SLIT2: variants seen among roughly 807,000 people sequenced by gnomAD.
SLIT2 encodes slit homolog 2 protein.
SLIT2 carries 41 observed loss-of-function variants against 185.7 expected under a neutral mutation model. The ratio of observed to expected loss-of-function variants is 0.22; its 90% CI spans 0.17 to 0.29. The LOEUF (loss-of-function observed/expected upper bound fraction) is 0.29. Among genes scored for constraint, SLIT2 ranks in the 10% least tolerant of loss-of-function variants. SLIT2 has a pLI of 1.00. For missense variants in SLIT2, 1,571 were observed against 1,909.0 expected, an observed-to-expected ratio of 0.82 and a Z score of 3.30; for synonymous variants, 693 against 680.2, an observed-to-expected ratio of 1.02 and a Z score of -0.29.
intron 8 of SLIT2, chr4:20,490,670 A>G (rs1013818794): frequency 7.0e-5 from 45 of 639,392 alleles, no homozygotes; most frequent in Non-Finnish European, 1.1e-4. Context: ...AACCTAAGAA[A>G]AATTTTTGTA....
At chr4:20,536,947 A>G (rs1307959061) in intron 18 of SLIT2, among the ~76,000 whole-genome samples, 5 of 152,150 alleles carry the variant, frequency 3.3e-5, no homozygotes, top group Admixed American at 6.6e-5. Flanking sequence ...CAATATATCA[A>G]TATTACTGTC....
At chr4:20,295,126 G>A (rs951141532) in intron 4 of SLIT2, among the ~76,000 whole-genome samples, 4 of 152,220 alleles carry the variant, frequency 2.6e-5, no homozygotes, top group African/African-American at 9.7e-5. Context: ...GGACTTCACT[G>A]TTGGGAAGAT....
intron 3 of SLIT2, among the ~76,000 whole-genome samples, chr4:20,263,146 T>C (rs1409733905): frequency 6.6e-6 from 1 of 151,684 alleles, no homozygotes; most frequent in Non-Finnish European, 1.5e-5. Context: ...TCTGCTTGAA[T>C]TGTGTCTTCT....
chr4:20,506,902 G>A (rs1342116202), intron 9 of SLIT2, among the ~76,000 whole-genome samples: 1 of 151,952 alleles, frequency 6.6e-6, no homozygotes, highest in Non-Finnish European at 1.5e-5. Context: ...AAACCAGTTC[G>A]CTGCTGAGTC....
In SLIT2 at chr4:20,472,564, C is replaced by CGATATATATATATATATCGA. The variant is rs60691515; in HGVS notation, c.467+4741_467+4742insGATATATATATATATATCGA. The stretch of plus-strand genomic sequence containing the variant: ...TCTATATCTATATATAGATATATAT[C>CGATATATATATATATATCGA]TATATATAGATATATCTATATATAG... On this transcript the variant is annotated intron_variant, in intron 5 of 36. Transcript: ENST00000504154. 1.3e-3 allele frequency among the ~76,000 whole-genome samples: 6 copies of CGATATATATATATATATCGA among 4,662 alleles called. 2 individuals carry two copies. Among genetic ancestry groups the CGATATATATATATATATCGA allele is most frequent in the African/African-American group, 0.01 (6 of 580 alleles). The allele number at this position is 4,662 out of a possible 152,430, so 3.1% of individuals were successfully genotyped here. A position where few individuals can be genotyped will look rare whatever the true frequency, so the allele number is the denominator to read the frequency against.
intron 3 of SLIT2, among the ~76,000 whole-genome samples, chr4:20,268,102 T>C (rs979370771): frequency 6.6e-6 from 1 of 151,958 alleles, no homozygotes; most frequent in Non-Finnish European, 1.5e-5. Flanking sequence ...ATACCAAGCA[T>C]CAGGGCTTAA....
rs1279990489 is a variant in SLIT2 at position 20,391,759 on chromosome 4, A to G, written c.396-75993A>G. On this transcript the variant is annotated intron_variant, in intron 4 of 36. Transcript: ENST00000504154. ...TGTTGTCAGAAGAAGTTTCTGAATG[A>G]GATTATTTAAAAAGATAGAGTTAGT... Among the ~76,000 whole-genome samples the G allele has an allele frequency of 2.0e-5, 3 of 152,058 alleles. No individual in the cohort carries two copies. In the East Asian group the frequency reaches 5.8e-4, roughly 29 times the overall value.
Position 20,524,014 on chromosome 4 carries a change from G to T in SLIT2, c.1275G>T (p.Met425Ile). Reference sequence around the variant, plus strand: ...AACTGTTCTGTATGTGTTTCCAAAGGCATTTGGCCCAGAACCCCTTTATTT... The same window carrying T: ...AACTGTTCTGTATGTGTTTCCAAAGTCATTTGGCCCAGAACCCCTTTATTT... ...TFSPLRAIQT[M>I]HLAQNPFICD... The change falls in exon 14 of 37, where the codon ATG becomes ATT. Residue 425 changes from methionine (M) to isoleucine (I), a missense_variant and splice_region_variant. Met to Ile is a conservative substitution (Grantham distance 10, BLOSUM62 1). This residue lies in a region of SLIT2 where 1,202 missense variants were observed against 1,416.4 expected (regional missense o/e 0.85). Transcript: ENST00000504154. The T allele has an allele frequency of 6.2e-7, 1 of 1,614,072 alleles. No homozygotes were observed. Among genetic ancestry groups the T allele is most frequent in the Non-Finnish European group, 8.5e-7 (1 of 1,179,986 alleles).
At chr4:20,444,940 A>T (rs1016582009) in intron 4 of SLIT2, among the ~76,000 whole-genome samples, 3 of 152,054 alleles carry the variant, frequency 2.0e-5, no homozygotes, top group South Asian at 2.1e-4. Context: ...CTGTCTAGAA[A>T]CCCTAACCCA....
intron 4 of SLIT2, among the ~76,000 whole-genome samples, chr4:20,453,038 A>G (rs960711363): frequency 3.9e-5 from 6 of 152,204 alleles, no homozygotes; most frequent in African/African-American, 1.4e-4. Flanking sequence ...AGTTCCCTCA[A>G]AATATCTGCT....
At chr4:20,500,886 G>A (rs1227503895) in intron 9 of SLIT2, among the ~76,000 whole-genome samples, 1 of 152,082 alleles carries the variant, frequency 6.6e-6, no homozygotes, top group African/African-American at 2.4e-5. Context: ...TACTATGAAA[G>A]TACTAGTTTT....
intron 4 of SLIT2, among the ~76,000 whole-genome samples, chr4:20,336,164 G>A (rs528305704): frequency 2.9e-4 from 44 of 152,206 alleles, no homozygotes; most frequent in Non-Finnish European, 5.7e-4. Flanking sequence ...TTTGTGTTGC[G>A]TTTCTAGCCA....
At chr4:20,361,776 T>A (rs957960267) in intron 4 of SLIT2, among the ~76,000 whole-genome samples, 4 of 151,736 alleles carry the variant, frequency 2.6e-5, no homozygotes, top group African/African-American at 9.7e-5. Flanking sequence ...AAGTATATTT[T>A]ATTTTTAATT....
chr4:20,455,239 C>T (rs1374434435), intron 4 of SLIT2, among the ~76,000 whole-genome samples: 2 of 152,056 alleles, frequency 1.3e-5, no homozygotes, highest in African/African-American at 4.8e-5. Context: ...ATGTATCATG[C>T]ATTGCAGAGC....
intron 4 of SLIT2, among the ~76,000 whole-genome samples, chr4:20,278,262 C>G (rs569723661): frequency 6.6e-6 from 1 of 151,530 alleles, no homozygotes; most frequent in Non-Finnish European, 1.5e-5. Flanking sequence ...AATTCAAATG[C>G]CTCAGGATAA....
At chr4:20,293,063 G>C (rs1020747435) in intron 4 of SLIT2, among the ~76,000 whole-genome samples, 3 of 152,180 alleles carry the variant, frequency 2.0e-5, no homozygotes, top group Non-Finnish European at 2.9e-5. Context: ...ATAGAAAGAG[G>C]GGGGAAAAAG....
At chr4:20,500,167 G>T (rs183217814) in intron 9 of SLIT2, among the ~76,000 whole-genome samples, 7 of 152,222 alleles carry the variant, frequency 4.6e-5, no homozygotes, top group Admixed American at 3.3e-4. Context: ...TAACAAGTAG[G>T]TTGGCAATTT....
intron 4 of SLIT2, among the ~76,000 whole-genome samples, chr4:20,460,387 G>A (rs1055056417): frequency 1.3e-5 from 2 of 151,934 alleles, no homozygotes; most frequent in Admixed American, 6.6e-5. Context: ...GATATTCATT[G>A]CAAACATGAT....
rs141678864 is a variant in SLIT2 at position 20,585,454 on chromosome 4, C to A, written c.3089-4190C>A. On this transcript the variant is annotated intron_variant, in intron 29 of 36. Transcript: ENST00000504154. ...ATTGGGAAATTTTAAGGGCCCATGG[C>A]TGAAAATAAATAAATAGGATTTCCT... Among the ~76,000 whole-genome samples the A allele has an allele frequency of 3.2e-4, 49 of 152,246 alleles. No homozygotes were observed. In the East Asian group the frequency reaches 9.5e-3, roughly 29 times the overall value.
Sources: allele counts gnomAD v4.1 joint callset (sites outside exome capture counted in the v4.1 genomes callset), GRCh38; gene constraint gnomAD v4.1.1; regional missense constraint gnomAD v4.1.1; transcripts MANE v1.5; gene names NCBI Gene and HGNC (gene_info 2026-07-23, HGNC 2026-07-21).